The following KRT8 variants were observed in gnomAD, a reference collection of about 807,000 sequenced individuals.
KRT8 encodes the protein keratin 8.
In KRT8, 24 loss-of-function variants were observed where a neutral mutation model predicts 43.0. That is an observed-to-expected ratio of 0.56 (90% confidence interval 0.40 to 0.78). The LOEUF (loss-of-function observed/expected upper bound fraction) is 0.78. Among genes scored for constraint, KRT8 ranks in the 30% least tolerant of loss-of-function variants. KRT8 has a pLI of 0.00. For synonymous variants in KRT8, 214 were observed against 261.2 expected, an observed-to-expected ratio of 0.82 and a Z score of 1.74; for missense variants, 492 against 638.4, an observed-to-expected ratio of 0.77 and a Z score of 2.47.
At chr12:52,913,223 C>A (rs1941669839) in intron 2 of KRT8, among the ~76,000 whole-genome samples, 1 of 152,162 alleles carries the variant, frequency 6.6e-6, no homozygotes, top group Non-Finnish European at 1.5e-5. Flanking sequence ...CCTGCCCACC[C>A]CATCCCCACC....
intron 1 of KRT8, among the ~76,000 whole-genome samples, chr12:52,903,882 A>ACCCCG (rs1369075991): frequency 5.4e-3 from 120 of 22,352 alleles, no homozygotes; most frequent in Non-Finnish European, 9.1e-3. Context: ...ACCCCACCCC[A>ACCCCG]CCCACACCGC....
At chr12:52,949,166 C>G (rs765308206) in intron 2 of KRT8, 7 of 1,610,798 alleles carry the variant, frequency 4.3e-6, no homozygotes, top group Non-Finnish European at 5.9e-6. Flanking sequence ...TCTCTCTCCC[C>G]GGACAGCATG....
chr12:52,914,966 C>T (rs1376634773), intron 2 of KRT8, among the ~76,000 whole-genome samples: 1 of 152,180 alleles, frequency 6.6e-6, no homozygotes, highest in Non-Finnish European at 1.5e-5. Context: ...ATCTCTGAAC[C>T]AATCCCTGTG....
At chr12:52,938,860 T>A (rs932264361) in intron 2 of KRT8, among the ~76,000 whole-genome samples, 1 of 151,772 alleles carries the variant, frequency 6.6e-6, no homozygotes, top group Non-Finnish European at 1.5e-5. Context: ...CTCATGATCC[T>A]CCCGCCTTGA....
intron 2 of KRT8, among the ~76,000 whole-genome samples, chr12:52,929,592 C>T (rs1389937362): frequency 2.6e-5 from 4 of 152,086 alleles, no homozygotes; most frequent in Admixed American, 2.0e-4. Flanking sequence ...TCCTTGAATC[C>T]TTTTTATCTA....
chr12:52,901,082 A>C, intron 3 of KRT8, 77 bp downstream of exon 3: 1 of 1,069,288 alleles, frequency 9.4e-7, no homozygotes, highest in Non-Finnish European at 1.5e-6. Flanking sequence ...TTAGGGACAA[A>C]ACCCAGAAAG....
intron 2 of KRT8, among the ~76,000 whole-genome samples, chr12:52,928,895 A>G (rs1320544147): frequency 6.6e-6 from 1 of 152,148 alleles, no homozygotes; most frequent in Non-Finnish European, 1.5e-5. Flanking sequence ...AACAAGAGTG[A>G]AACTCCAACT....
intron 2 of KRT8, among the ~76,000 whole-genome samples, chr12:52,934,483 C>A (rs1231717887): frequency 1.3e-5 from 2 of 152,130 alleles, no homozygotes; most frequent in Admixed American, 1.3e-4. Context: ...TCGCTTGAAC[C>A]CAGTAGGCAG....
At chr12:52,899,868 G>A (rs369468722) in exon 5 of KRT8, 28 of 1,612,224 alleles carry the variant, frequency 1.7e-5, no homozygotes, top group Middle Eastern at 4.2e-4. Flanking sequence ...GGTCATCCCC[G>A]TGCTTCCCAG....
chr12:52,935,143 G>T (rs1300747098), intron 2 of KRT8, among the ~76,000 whole-genome samples: 1 of 151,336 alleles, frequency 6.6e-6, no homozygotes, highest in African/African-American at 2.4e-5. Flanking sequence ...CACTTTGGGA[G>T]GCCAAGGCAG....
chr12:52,918,752 C>A (rs1236991097), intron 2 of KRT8, among the ~76,000 whole-genome samples: 1 of 152,148 alleles, frequency 6.6e-6, no homozygotes, highest in East Asian at 1.9e-4. Flanking sequence ...TCTCACCAAC[C>A]CTCCCTGCTT....
rs764622352 is a variant in KRT8, at chr12:52,898,830, C to T, written c.1051G>A (p.Ala351Thr). Residue 351 changes from alanine (A) to threonine (T), a missense_variant, in exon 6 of 8, where the codon GCC becomes ACC. Ala to Thr is a moderately conservative substitution (Grantham distance 58). Transcript: ENST00000692008. The stretch of plus-strand genomic sequence containing the variant: ...GCGGCCTCCAGCTCGGACAACTTGG[C>T]GTTGGCATCCTTAATGGCCAGCTCT... The T allele has an allele frequency of 1.4e-5, 23 of 1,613,492 alleles. No homozygotes were observed. The highest frequency in any genetic ancestry group is 2.2e-5 in the East Asian group (1 of 44,892).
intron 2 of KRT8, among the ~76,000 whole-genome samples, chr12:52,934,071 A>G (rs1179019773): frequency 6.6e-6 from 1 of 151,654 alleles, no homozygotes; most frequent in African/African-American, 2.4e-5. Flanking sequence ...CTAACTCAAA[A>G]TACAAAAATT....
At chr12:52,941,499 TTTTTTTG>T (rs1942267990) in intron 2 of KRT8, among the ~76,000 whole-genome samples, 1 of 144,238 alleles carries the variant, frequency 6.9e-6, no homozygotes, top group South Asian at 2.3e-4. Context: ...TTTTTTTTTT[TTTTTTTG>T]AGACAGTGTT....
At chr12:52,913,187 C>CA (rs1474204876) in intron 2 of KRT8, among the ~76,000 whole-genome samples, 2 of 152,198 alleles carry the variant, frequency 1.3e-5, no homozygotes, top group Non-Finnish European at 2.9e-5. Context: ...CAGGGCTCCT[C>CA]AAAAGTGAGC....
At chr12:52,908,931 C>T (rs1015786333), upstream of KRT8, among the ~76,000 whole-genome samples, 32 of 152,062 alleles carry the variant, frequency 2.1e-4, no homozygotes, top group African/African-American at 7.5e-4. Context: ...ACCTGAGCCC[C>T]GAAAGTTGAG....
intron 1 of KRT8, among the ~76,000 whole-genome samples, chr12:52,904,406 A>C (rs1248043333): frequency 6.6e-6 from 1 of 152,124 alleles, no homozygotes; most frequent in Non-Finnish European, 1.5e-5. Context: ...TCTCTCTTCC[A>C]AGACCCTCCA....
At chr12:52,949,482 C>G (rs373362435) in exon 2 of KRT8, 49 of 1,576,572 alleles carry the variant, frequency 3.1e-5, no homozygotes, top group Non-Finnish European at 3.7e-5. Context: ...GCCTGGAGAC[C>G]GAGAACCGGA....
chr12:52,905,179 A>G, upstream of KRT8: 1 of 999,862 alleles, frequency 1.0e-6, no homozygotes, highest in Non-Finnish European at 1.4e-6. Flanking sequence ...GTCACCTGCC[A>G]CCTCCGGGCA....
Sources: gnomAD v4.1 joint callset for allele counts (sites outside exome capture counted in the v4.1 genomes callset) on GRCh38, gnomAD v4.1.1 for gene constraint, MANE v1.5 for transcripts, NCBI Gene and HGNC (gene_info 2026-07-23, HGNC 2026-07-21) for gene names.